Variants in GSK3B observed in about 807,000 individuals in gnomAD.
GSK3B encodes the protein glycogen synthase kinase-3 beta.
A neutral mutation model predicts 56.4 loss-of-function variants in GSK3B; 15 were observed. The observed-to-expected ratio is 0.27, with a 90% CI of 0.18 to 0.41. The LOEUF (loss-of-function observed/expected upper bound fraction) is 0.41, where lower values mean the gene tolerates loss of function less well. GSK3B is among the 10% of genes least tolerant of loss of function. GSK3B has a pLI of 1.00. For missense variants in GSK3B, 300 were observed against 513.4 expected, an observed-to-expected ratio of 0.58 and a Z score of 4.02; for synonymous variants, 181 against 188.9, an observed-to-expected ratio of 0.96 and a Z score of 0.34.
intron 8 of GSK3B, among the ~76,000 whole-genome samples, chr3:119,872,186 A>C (rs183328547): frequency 1.3e-5 from 2 of 152,330 alleles, no homozygotes; most frequent in East Asian, 3.9e-4. Flanking sequence ...CATGCATTTA[A>C]GGATACAGGA....
chr3:119,829,808 C>T (rs1167991161), intron 10 of GSK3B, among the ~76,000 whole-genome samples: 1 of 152,204 alleles, frequency 6.6e-6, no homozygotes, highest in Non-Finnish European at 1.5e-5. Context: ...TTGATAGACA[C>T]CCATGCTCTT....
At chr3:119,878,449 CTA>C (rs969095806) in intron 7 of GSK3B, among the ~76,000 whole-genome samples, 1 of 152,074 alleles carries the variant, frequency 6.6e-6, no homozygotes, top group Admixed American at 6.5e-5. Context: ...AAATTAAAGA[CTA>C]TGTATAACAA....
intron 1 of GSK3B, among the ~76,000 whole-genome samples, chr3:120,034,286 A>G (rs1248889506): frequency 6.6e-6 from 1 of 152,198 alleles, no homozygotes; most frequent in Non-Finnish European, 1.5e-5. Context: ...CTAAGAAGCC[A>G]CTGCCTACCC....
chr3:119,975,903 G>C (rs1281506540), intron 2 of GSK3B, among the ~76,000 whole-genome samples: 1 of 152,126 alleles, frequency 6.6e-6, no homozygotes, highest in Non-Finnish European at 1.5e-5. Flanking sequence ...TCACTTTTCT[G>C]TAAAACTACA....
intron 2 of GSK3B, among the ~76,000 whole-genome samples, chr3:119,997,478 C>A (rs1218966741): frequency 2.0e-5 from 3 of 152,100 alleles, no homozygotes; most frequent in Non-Finnish European, 4.4e-5. Flanking sequence ...AGTTTTATAT[C>A]AAAAATGGAT....
At chr3:119,934,370 T>C (rs1204009558) in intron 3 of GSK3B, among the ~76,000 whole-genome samples, 2 of 152,200 alleles carry the variant, frequency 1.3e-5, no homozygotes, top group Non-Finnish European at 2.9e-5. Flanking sequence ...ACCCCAGTTT[T>C]ATCATTAAAA....
chr3:120,052,103 G>C (rs1219870851), intron 1 of GSK3B, among the ~76,000 whole-genome samples: 1 of 152,174 alleles, frequency 6.6e-6, no homozygotes, highest in Non-Finnish European at 1.5e-5. Context: ...GTGGGTGTTA[G>C]AGAAGTTCAA....
chr3:119,829,157 G>C (rs1053936687), intron 10 of GSK3B, among the ~76,000 whole-genome samples: 2 of 152,000 alleles, frequency 1.3e-5, no homozygotes, highest in Non-Finnish European at 2.9e-5. Flanking sequence ...TCCACATTCT[G>C]TGCATCAATA....
intron 1 of GSK3B, among the ~76,000 whole-genome samples, chr3:120,072,692 T>A (rs2058336541): frequency 6.6e-6 from 1 of 152,166 alleles, no homozygotes; most frequent in Non-Finnish European, 1.5e-5. Flanking sequence ...AGATTCAAAG[T>A]TTTCAATTTC....
chr3:120,089,367 G>A (rs2058491902), intron 1 of GSK3B, among the ~76,000 whole-genome samples: 1 of 152,088 alleles, frequency 6.6e-6, no homozygotes, highest in Non-Finnish European at 1.5e-5. Flanking sequence ...ATAAAGTTCT[G>A]GTTTTCAGTC....
intron 3 of GSK3B, among the ~76,000 whole-genome samples, chr3:119,933,233 A>C (rs370282438): frequency 6.6e-6 from 1 of 152,244 alleles, no homozygotes. Context: ...TTCATCTATC[A>C]AACTAGAAAA....
intron 9 of GSK3B, among the ~76,000 whole-genome samples, chr3:119,855,048 T>A (rs186180234): frequency 1.8e-3 from 272 of 152,358 alleles, no homozygotes; most frequent in Middle Eastern, 3.4e-3. Flanking sequence ...CTTTCTCTTG[T>A]GGGCATTTAG....
In GSK3B at chr3:120,061,557, A is replaced by T. The variant is rs371882828; in HGVS notation, c.88+31790T>A. Reference sequence around the variant, plus strand: ...TAAATGTAATGTCTGGCACAAAAGAAACACTGTTTAGACACTATTATTGTT... The same window carrying T: ...TAAATGTAATGTCTGGCACAAAAGATACACTGTTTAGACACTATTATTGTT... On this transcript the variant is annotated intron_variant, in intron 1 of 10. Coordinates refer to ENST00000264235, the MANE Select transcript of GSK3B (RefSeq NM_001146156.2). Among the ~76,000 whole-genome samples the T allele has an allele frequency of 1.4e-4, 21 of 152,322 alleles. No individual in the cohort carries two copies. The South Asian group carries it at 1.7e-3, about 12-fold the overall frequency.
chr3:120,010,167 A>C (rs2057765524), intron 1 of GSK3B, among the ~76,000 whole-genome samples: 1 of 152,184 alleles, frequency 6.6e-6, no homozygotes. Flanking sequence ...CTCTCCCTTC[A>C]AGTCTCATCC....
chr3:120,040,450 G>C (rs1328792536), intron 1 of GSK3B, among the ~76,000 whole-genome samples: 1 of 152,140 alleles, frequency 6.6e-6, no homozygotes, highest in Non-Finnish European at 1.5e-5. Context: ...TAAAGGATAG[G>C]CAAGAAATCT....
At chr3:120,074,656 A>G (rs76375771) in intron 1 of GSK3B, among the ~76,000 whole-genome samples, 3,942 of 152,276 alleles carry the variant, frequency 0.026, 176 homozygotes, top group African/African-American at 0.089. Context: ...AACAAATGTG[A>G]TAACTTAGAA....
rs186214897 is a variant in GSK3B at position 119,963,946 on chromosome 3, A to T, written c.283-16595T>A. On this transcript the variant is annotated intron_variant, in intron 2 of 10. Transcript: ENST00000264235. Reference sequence around the variant, plus strand: ...GAAATCATCAGAGAAAACCTTCTTGACACTGTTCTTGTCAATAATTTCTTG... The same window carrying T: ...GAAATCATCAGAGAAAACCTTCTTGTCACTGTTCTTGTCAATAATTTCTTG... Among the ~76,000 whole-genome samples, 9 of 152,322 alleles carry T rather than the reference A, an allele frequency of 5.9e-5. No individual in the cohort carries two copies. In the East Asian group the frequency reaches 1.2e-3, roughly 20 times the overall value.
At chr3:120,072,530 T>G (rs2058335076) in intron 1 of GSK3B, among the ~76,000 whole-genome samples, 2 of 152,226 alleles carry the variant, frequency 1.3e-5, no homozygotes, top group African/African-American at 4.8e-5. Flanking sequence ...GAGGTTGCCA[T>G]GAGCCGAGAT....
At chr3:120,017,172 C>T (rs1322924112) in intron 1 of GSK3B, among the ~76,000 whole-genome samples, 2 of 152,038 alleles carry the variant, frequency 1.3e-5, no homozygotes, top group Non-Finnish European at 2.9e-5. Flanking sequence ...AATTAGTACG[C>T]TATACATGGA....
Sources: allele counts gnomAD v4.1 joint callset (sites outside exome capture counted in the v4.1 genomes callset), GRCh38; gene constraint gnomAD v4.1.1; transcripts MANE v1.5; gene names NCBI Gene and HGNC (gene_info 2026-07-23, HGNC 2026-07-21).